CMC1: variants seen among roughly 807,000 people sequenced by gnomAD.
CMC1 encodes C-X9-C motif containing 1.
In CMC1, 14 loss-of-function variants were observed where a neutral mutation model predicts 14.1. The observed-to-expected ratio is 0.99, with a 90% confidence interval of 0.66 to 1.55. CMC1 has a LOEUF of 1.55. CMC1 is among the 40% of genes most tolerant of loss of function. The pLI is 0.00. For missense variants in CMC1, 127 were observed against 123.8 expected, an observed-to-expected ratio of 1.03 and a Z score of -0.12; for synonymous variants, 50 against 38.4, an observed-to-expected ratio of 1.30 and a Z score of -1.12.
intron 2 of CMC1, among the ~76,000 whole-genome samples, chr3:28,307,528 G>A (rs993774408): frequency 2.0e-5 from 3 of 152,170 alleles, no homozygotes; most frequent in East Asian, 1.9e-4. Context: ...TATTATTCAC[G>A]CATCAGTTCC....
chr3:28,265,368 T>C (rs112924804), intron 2 of CMC1, among the ~76,000 whole-genome samples: 2,412 of 152,256 alleles, frequency 0.016, 68 homozygotes, highest in African/African-American at 0.053. Flanking sequence ...ATTAGAATTA[T>C]TCAAGCAGCA....
intron 3 of CMC1, chr3:28,316,777 G>C (rs2125614763): frequency 6.3e-6 from 1 of 158,716 alleles, no homozygotes; most frequent in South Asian, 2.0e-4. Context: ...ATATCTCTGA[G>C]ACTTCCTCCA....
At chr3:28,255,693 TA>T (rs5847506) in intron 1 of CMC1, among the ~76,000 whole-genome samples, 32,619 of 148,422 alleles carry the variant, frequency 0.22, 3,699 homozygotes, top group Middle Eastern at 0.29. Flanking sequence ...GAAACGTTGT[TA>T]AAAAAAATGT....
intron 1 of CMC1, among the ~76,000 whole-genome samples, chr3:28,255,451 G>A (rs1327197929): frequency 2.0e-5 from 3 of 151,616 alleles, no homozygotes; most frequent in Non-Finnish European, 4.4e-5. Context: ...TCATCATATT[G>A]GCCAGGCTGG....
chr3:28,276,663 C>T (rs919255413), intron 2 of CMC1, among the ~76,000 whole-genome samples: 1 of 152,124 alleles, frequency 6.6e-6, no homozygotes, highest in African/African-American at 2.4e-5. Flanking sequence ...CCTGCAGTTG[C>T]AGTTGGCATT....
At position 28,324,400 on chromosome 3, in the gene CMC1, T is replaced by C; in HGVS notation, c.*4771T>C. On this transcript the variant is annotated 3_prime_UTR_variant, in exon 4 of 4. Transcript: ENST00000466830. ...GTATGTTGCAGTAAAATTCATCAAGTGCAGTTTTGTGCTGTCTCTTCCAAG... is the reference window on the plus strand; with the variant it reads ...GTATGTTGCAGTAAAATTCATCAAGCGCAGTTTTGTGCTGTCTCTTCCAAG... 1 of 1,546,570 alleles carries C rather than the reference T, an allele frequency of 6.5e-7. No homozygotes were observed. Among genetic ancestry groups the C allele is most frequent in the East Asian group, 2.3e-5 (1 of 44,264 alleles).
intron 2 of CMC1, among the ~76,000 whole-genome samples, chr3:28,315,703 AAG>A (rs1341193505): frequency 2.0e-5 from 3 of 152,172 alleles, no homozygotes; most frequent in Non-Finnish European, 4.4e-5. Context: ...GTGGTTCCAT[AAG>A]ATGATAATGG....
At chr3:28,276,657 C>A (rs1700603348) in intron 2 of CMC1, among the ~76,000 whole-genome samples, 1 of 152,160 alleles carries the variant, frequency 6.6e-6, no homozygotes, top group Non-Finnish European at 1.5e-5. Context: ...GATGATCCTG[C>A]AGTTGCAGTT....
chr3:28,302,347 T>G lies in CMC1; in HGVS notation c.110-13986T>G, dbSNP rs1323991781. ...GCCTGTTTTGTTTTGTTTTGTTTTTTGTCAGTTGCTTTTATCAATACCTAT... is the reference window on the plus strand; with the variant it reads ...GCCTGTTTTGTTTTGTTTTGTTTTTGGTCAGTTGCTTTTATCAATACCTAT... On this transcript the variant is annotated intron_variant, in intron 2 of 3. Coordinates refer to ENST00000466830, the MANE Select transcript of CMC1 (RefSeq NM_182523.2). 4.6e-5 allele frequency among the ~76,000 whole-genome samples: 7 copies of G among 152,328 alleles called. No individual in the cohort carries two copies. In the East Asian group the frequency reaches 1.4e-3, roughly 29 times the overall value.
At chr3:28,269,892 A>C (rs1453679825) in intron 2 of CMC1, among the ~76,000 whole-genome samples, 4 of 152,140 alleles carry the variant, frequency 2.6e-5, no homozygotes, top group African/African-American at 9.7e-5. Flanking sequence ...TAAGCCCAGC[A>C]TGCATTAGCT....
At chr3:28,257,478 T>G (rs2125446855) in intron 1 of CMC1, among the ~76,000 whole-genome samples, 1 of 152,302 alleles carries the variant, frequency 6.6e-6, no homozygotes, top group Admixed American at 6.5e-5. Flanking sequence ...TGAATAATGC[T>G]TCTCTAAATA....
At position 28,319,586 on chromosome 3, in the gene CMC1, T is replaced by C. The variant is rs770046996; in HGVS notation, c.278T>C (p.Ile93Thr). 6.2e-7 allele frequency: 1 copy of C among 1,609,652 alleles called. No homozygotes were observed. The highest frequency in any genetic ancestry group is 2.2e-5 in the East Asian group (1 of 44,722). The change falls in exon 4 of 4, where the codon ATT (isoleucine) becomes ACT (threonine). Residue 93 changes from isoleucine (I) to threonine (T), a missense_variant. Transcript: ENST00000466830. Reference protein sequence around the residue: ...KEREEFRKTGIPTKKRLQKLP... With the variant: ...KEREEFRKTGTPTKKRLQKLP... ...AGGGAAGAATTCAGAAAAACTGGAATTCCTACAAAGAAAAGGCTACAGAAG... is the reference window on the plus strand; with the variant it reads ...AGGGAAGAATTCAGAAAAACTGGAACTCCTACAAAGAAAAGGCTACAGAAG...
intron 2 of CMC1, among the ~76,000 whole-genome samples, chr3:28,284,068 C>G (rs929426717): frequency 1.1e-4 from 16 of 152,096 alleles, no homozygotes. Context: ...CTTAAGTGTA[C>G]TTTGTGATGC....
At chr3:28,308,975 C>A in intron 2 of CMC1, among the ~76,000 whole-genome samples, 1 of 54,488 alleles carries the variant, frequency 1.8e-5, no homozygotes, top group East Asian at 5.6e-4. Context: ...GAGCGAGACT[C>A]CGTCTCAAAA....
chr3:28,312,942 C>T (rs560002569), intron 2 of CMC1, among the ~76,000 whole-genome samples: 1 of 152,192 alleles, frequency 6.6e-6, no homozygotes, highest in East Asian at 1.9e-4. Flanking sequence ...CTGCAGCTTT[C>T]TCCTCCCGGG....
At chr3:28,310,315 T>C (rs1241647352) in intron 2 of CMC1, among the ~76,000 whole-genome samples, 1 of 152,228 alleles carries the variant, frequency 6.6e-6, no homozygotes, top group African/African-American at 2.4e-5. Flanking sequence ...TCTTTCTTAC[T>C]CTACATGGTA....
intron 2 of CMC1, among the ~76,000 whole-genome samples, chr3:28,288,433 T>C (rs1039214784): frequency 3.3e-5 from 5 of 152,068 alleles, no homozygotes; most frequent in African/African-American, 9.6e-5. Flanking sequence ...CATTAAAGCT[T>C]ATTCATTTTT....
rs146359326 is a variant in CMC1 at position 28,248,938 on chromosome 3, C to T, written c.19+7126C>T. 4.0e-3 allele frequency among the ~76,000 whole-genome samples: 604 copies of T among 152,212 alleles called. 4 individuals are homozygous for T. The highest frequency in any genetic ancestry group is 0.014 in the African/African-American group (578 of 41,548). On this transcript the variant is annotated intron_variant, in intron 1 of 3. Coordinates refer to ENST00000466830, the MANE Select transcript of CMC1 (RefSeq NM_182523.2). ...CTAAGTAGCTGGGACTACAGGCGCC[C>T]ACCACCATGTCCGGCTAATTTTTTT...
intron 1 of CMC1, among the ~76,000 whole-genome samples, chr3:28,244,762 T>C (rs985794548): frequency 2.6e-5 from 4 of 151,104 alleles, no homozygotes; most frequent in Non-Finnish European, 5.9e-5. Context: ...ATAATTCCAG[T>C]TTTTGTACGT....
Sources: gnomAD v4.1 joint callset for allele counts (sites outside exome capture counted in the v4.1 genomes callset) on GRCh38, gnomAD v4.1.1 for gene constraint, MANE v1.5 for transcripts, NCBI Gene and HGNC (gene_info 2026-07-23, HGNC 2026-07-21) for gene names.